CDIN1: variants seen among roughly 807,000 people sequenced by gnomAD.
CDIN1 encodes CDAN1-interacting nuclease 1.
In CDIN1, 33 loss-of-function variants were observed where a neutral mutation model predicts 45.3. The ratio of observed to expected loss-of-function variants is 0.73; its 90% CI spans 0.55 to 0.97. CDIN1 has a LOEUF of 0.97. Ranked by LOEUF, CDIN1 falls within the 50% of genes least tolerant of loss-of-function variation. The pLI is 0.00. For missense variants in CDIN1, 303 were observed against 339.4 expected (o/e 0.89, Z 0.84); for synonymous variants, 118 against 124.4 (o/e 0.95, Z 0.34).
At chr15:36,593,210 A>T (rs1200295459) in intron 1 of CDIN1, among the ~76,000 whole-genome samples, 3 of 152,238 alleles carry the variant, frequency 2.0e-5, no homozygotes, top group Non-Finnish European at 2.9e-5. Context: ...TAGACTCAGC[A>T]TATTAGAACT....
chr15:36,588,153 T>G (rs1413753744), intron 1 of CDIN1, among the ~76,000 whole-genome samples: 4 of 152,178 alleles, frequency 2.6e-5, no homozygotes, highest in Non-Finnish European at 5.9e-5. Context: ...TGGCTGAACA[T>G]GTAAGATTTG....
At chr15:36,726,988 A>G (rs1207586733) in intron 10 of CDIN1, among the ~76,000 whole-genome samples, 2 of 152,226 alleles carry the variant, frequency 1.3e-5, no homozygotes, top group Non-Finnish European at 2.9e-5. Flanking sequence ...CTGAAAGCAC[A>G]GAACAAAGTT....
At chr15:36,666,138 CTT>C (rs1272078402) in intron 5 of CDIN1, among the ~76,000 whole-genome samples, 2 of 151,924 alleles carry the variant, frequency 1.3e-5, no homozygotes, top group Non-Finnish European at 2.9e-5. Context: ...TCTTATTTTA[CTT>C]CTTTTAAAAA....
intron 1 of CDIN1, among the ~76,000 whole-genome samples, chr15:36,620,211 A>C (rs1261589202): frequency 6.6e-6 from 1 of 151,916 alleles, no homozygotes; most frequent in Non-Finnish European, 1.5e-5. Flanking sequence ...ATTAGCTGGG[A>C]GTGGTGGCGG....
chr15:36,800,909 G>GTGTGTATATATATATATATA (rs1156514805), intron 10 of CDIN1, among the ~76,000 whole-genome samples: 20 of 22,386 alleles, frequency 8.9e-4, no homozygotes, highest in Non-Finnish European at 1.8e-3. Context: ...GTGTGTGTGT[G>GTGTGTATATATATATATATA]TATATATATA....
intron 1 of CDIN1, chr15:36,618,026 C>T (rs1010555771): frequency 6.4e-6 from 5 of 782,272 alleles, no homozygotes; most frequent in Non-Finnish European, 1.2e-5. Flanking sequence ...ATATAATCTT[C>T]ACCAGCAGTT....
intron 1 of CDIN1, among the ~76,000 whole-genome samples, chr15:36,582,461 A>G (rs2037092630): frequency 6.6e-6 from 1 of 152,230 alleles, no homozygotes; most frequent in Non-Finnish European, 1.5e-5. Flanking sequence ...CGTGTGTGGC[A>G]GTGAATACAG....
intron 10 of CDIN1, among the ~76,000 whole-genome samples, chr15:36,800,246 A>C (rs2054966576): frequency 6.6e-6 from 1 of 152,188 alleles, no homozygotes; most frequent in South Asian, 2.1e-4. Flanking sequence ...ATTGAGTGAG[A>C]ATACTCATAA....
chr15:36,650,943 G>A (rs1366939413), intron 3 of CDIN1, among the ~76,000 whole-genome samples: 3 of 151,966 alleles, frequency 2.0e-5, no homozygotes, highest in African/African-American at 4.8e-5. Flanking sequence ...CGCTCCTGTA[G>A]TCTCAGCTAC....
chr15:36,692,462 A>G (rs892949409), intron 7 of CDIN1, among the ~76,000 whole-genome samples: 1 of 152,184 alleles, frequency 6.6e-6, no homozygotes, highest in Non-Finnish European at 1.5e-5. Context: ...TTAGGCAGGT[A>G]ACGTAATGTC....
chr15:36,776,722 G>A (rs2054227396), intron 10 of CDIN1, among the ~76,000 whole-genome samples: 1 of 152,148 alleles, frequency 6.6e-6, no homozygotes, highest in African/African-American at 2.4e-5. Context: ...AAGAGCTTTG[G>A]TAGAAATAAT....
intron 8 of CDIN1, chr15:36,704,390 A>G (rs1036576365): frequency 6.6e-6 from 1 of 152,168 alleles, no homozygotes; most frequent in Non-Finnish European, 1.5e-5. Flanking sequence ...TGGTCTCCCC[A>G]TTAAATGCAT....
intron 10 of CDIN1, among the ~76,000 whole-genome samples, chr15:36,782,064 CTAAT>C (rs1379067425): frequency 1.3e-5 from 2 of 152,176 alleles, no homozygotes; most frequent in Non-Finnish European, 2.9e-5. Context: ...TGTAAACAGA[CTAAT>C]TAAGAAATAG....
intron 1 of CDIN1, among the ~76,000 whole-genome samples, chr15:36,634,383 C>G (rs1232741059): frequency 6.6e-6 from 1 of 152,060 alleles, no homozygotes; most frequent in East Asian, 1.9e-4. Flanking sequence ...TTGATCGCGC[C>G]ACTGCACCCC....
intron 5 of CDIN1, among the ~76,000 whole-genome samples, chr15:36,689,936 A>C (rs2042183541): frequency 6.6e-6 from 1 of 152,214 alleles, no homozygotes; most frequent in Non-Finnish European, 1.5e-5. Flanking sequence ...GTCAGCTTAA[A>C]TAATATTTTC....
chr15:36,709,316 T>C lies in CDIN1; in HGVS notation c.610+28T>C, dbSNP rs774400165. The C allele has an allele frequency of 1.1e-5, 17 of 1,560,638 alleles. No homozygotes were observed. In the South Asian group the frequency reaches 1.7e-4, roughly 16 times the overall value. On this transcript the variant is annotated intron_variant, in intron 9 of 10. Coordinates refer to ENST00000566621, the MANE Select transcript of CDIN1 (RefSeq NM_001321759.2). Reference sequence around the variant, plus strand: ...AAGTTCTTTAACTCTGTTATGCATTTGTTTTTAGAGAAAAGGGATGTATTT... The same window carrying C: ...AAGTTCTTTAACTCTGTTATGCATTCGTTTTTAGAGAAAAGGGATGTATTT...
chr15:36,713,183 G>A (rs964278073), intron 10 of CDIN1, among the ~76,000 whole-genome samples: 4 of 152,102 alleles, frequency 2.6e-5, no homozygotes, highest in African/African-American at 9.7e-5. Context: ...GATAAAGTGG[G>A]TCAGTTTGAA....
intron 1 of CDIN1, among the ~76,000 whole-genome samples, chr15:36,604,463 G>C (rs950697182): frequency 2.0e-5 from 1 of 49,956 alleles, no homozygotes; most frequent in Non-Finnish European, 4.3e-5. Flanking sequence ...ACACATTTTA[G>C]AGTAAACATC....
chr15:36,662,102 T>C (rs1044338055), intron 5 of CDIN1, among the ~76,000 whole-genome samples: 1 of 152,194 alleles, frequency 6.6e-6, no homozygotes, highest in Non-Finnish European at 1.5e-5. Flanking sequence ...TAAACTGATG[T>C]TTTTGCTTAT....
Sources: allele counts gnomAD v4.1 joint callset (sites outside exome capture counted in the v4.1 genomes callset), GRCh38; gene constraint gnomAD v4.1.1; transcripts MANE v1.5; gene names NCBI Gene and HGNC (gene_info 2026-07-23, HGNC 2026-07-21).